BPIFB2: variants seen among roughly 807,000 people sequenced by gnomAD.
BPIFB2 encodes the protein BPI fold-containing family B member 2.
In BPIFB2, 39 loss-of-function variants were observed where a neutral mutation model predicts 50.1. That is an observed-to-expected ratio of 0.78 (90% CI 0.60 to 1.02). The LOEUF (loss-of-function observed/expected upper bound fraction) is 1.02, where lower values mean the gene tolerates loss of function less well. Ranked by LOEUF, BPIFB2 falls within the 50% of genes least tolerant of loss-of-function variation. The pLI is 0.00. For missense variants in BPIFB2, 574 were observed against 585.8 expected (o/e 0.98, Z 0.21); for synonymous variants, 280 against 256.3 (o/e 1.09, Z -0.88).
intron 3 of BPIFB2, 72 bp from the exon 4 acceptor site, chr20:33,012,731 A>T: frequency 8.1e-7 from 1 of 1,231,052 alleles, no homozygotes; most frequent in South Asian, 1.2e-5. Flanking sequence ...GGTATGGCTC[A>T]GAGCACCCAC....
At position 33,015,109 on chromosome 20, in the gene BPIFB2, C is replaced by T. The variant is rs991808786; in HGVS notation, c.456-327C>T. Among the ~76,000 whole-genome samples, 4 of 152,208 alleles carry T rather than the reference C, an allele frequency of 2.6e-5. No individual in the cohort carries two copies. In the East Asian group the frequency reaches 7.7e-4, roughly 29 times the overall value. ...TCCCAGCTCTACCCCCTAACCCAAC[C>T]TTTACTGGGCTTAGAGTGGCCACGA... On this transcript the variant is annotated intron_variant, in intron 5 of 15. Transcript: ENST00000170150.
intron 10 of BPIFB2, 27 bp from the exon 11 acceptor site, chr20:33,019,553 G>C: frequency 6.4e-7 from 1 of 1,557,612 alleles, no homozygotes; most frequent in South Asian, 1.2e-5. Context: ...TGCCTCAGCA[G>C]GGCCTCCTCC....
chr20:33,015,571 T>A, intron 6 of BPIFB2, 75 bp downstream of exon 6: 1 of 1,325,566 alleles, frequency 7.5e-7, no homozygotes, highest in Non-Finnish European at 1.0e-6. Context: ...AGAGTGGGAT[T>A]TCAGGCAGGG....
intron 6 of BPIFB2, 26 bp from the exon 7 acceptor site, chr20:33,017,016 G>A (rs1195158662): frequency 2.5e-6 from 4 of 1,612,428 alleles, no homozygotes; most frequent in Non-Finnish European, 3.4e-6. Flanking sequence ...CCTAACCCCA[G>A]CCTCCTTCTC....
At chr20:33,020,967 G>A (rs1244068147) in intron 13 of BPIFB2, among the ~76,000 whole-genome samples, 2 of 152,170 alleles carry the variant, frequency 1.3e-5, no homozygotes, top group African/African-American at 4.8e-5. Flanking sequence ...TCTGCGTCAG[G>A]CAGTCTGCTG....
rs1990262795 is a variant in BPIFB2 at position 33,009,879 on chromosome 20, C to T, written c.110-1145C>T. Among the ~76,000 whole-genome samples, 2 of 152,228 alleles carry T rather than the reference C, an allele frequency of 1.3e-5. No homozygotes were observed. Among genetic ancestry groups the T allele is most frequent in the African/African-American group, 4.8e-5 (2 of 41,452 alleles). ...TGAGTGGCTACTTCCAGTGTCCTCC[C>T]CACCCCATCCTGCAAGCCCCAGAGT... is the stretch of plus-strand genomic sequence containing the variant. On this transcript the variant is annotated intron_variant, in intron 2 of 15. Transcript: ENST00000170150. The surrounding 1 kb of genome is among the most constrained non-coding windows in gnomAD (Gnocchi z 4.2).
intron 10 of BPIFB2, among the ~76,000 whole-genome samples, 163 bp downstream of exon 10, chr20:33,019,278 A>T (rs113125425): frequency 5.3e-5 from 8 of 152,130 alleles, no homozygotes; most frequent in African/African-American, 1.9e-4. Flanking sequence ...TTCTGCCCAG[A>T]CATCACACTC....
intron 13 of BPIFB2, among the ~76,000 whole-genome samples, chr20:33,021,005 C>T (rs1007478093): frequency 6.6e-6 from 1 of 152,210 alleles, no homozygotes; most frequent in African/African-American, 2.4e-5. Context: ...TCACACAGTG[C>T]GTGAGTGTCC....
chr20:33,021,714 C>T lies in BPIFB2; in HGVS notation c.1259-9C>T, dbSNP rs780035167. ...CAGGGGACGATCCTTTCTTCTTTCT[C>T]GCCTGCAGCTCTCTTGGCCATGGGA... On this transcript the variant is annotated splice_polypyrimidine_tract_variant and intron_variant, in intron 14 of 15. Transcript: ENST00000170150. The T allele has an allele frequency of 1.1e-5, 17 of 1,613,646 alleles. No individual in the cohort carries two copies. The highest frequency in any genetic ancestry group is 4.0e-5 in the African/African-American group (3 of 74,912).
intron 7 of BPIFB2, among the ~76,000 whole-genome samples, chr20:33,017,709 T>C (rs1978487720): frequency 2.0e-5 from 3 of 152,190 alleles, no homozygotes; most frequent in Admixed American, 2.0e-4. Flanking sequence ...GAGCATAGCT[T>C]TGGGGTCAGA....
At chr20:33,022,360 G>T (rs192288993) in intron 15 of BPIFB2, among the ~76,000 whole-genome samples, 5 of 152,298 alleles carry the variant, frequency 3.3e-5, no homozygotes, top group Admixed American at 3.3e-4. Context: ...GTTCATACCC[G>T]ATGAGTGTGA....
chr20:33,021,857 G>T, intron 15 of BPIFB2, 58 bp downstream of exon 15: 1 of 1,536,270 alleles, frequency 6.5e-7, no homozygotes, highest in African/African-American at 1.4e-5. Context: ...ACTGATTGAG[G>T]TGGGGGTCAC....
chr20:33,017,488 A>G (rs1451011893), intron 7 of BPIFB2, among the ~76,000 whole-genome samples: 1 of 152,214 alleles, frequency 6.6e-6, no homozygotes, highest in East Asian at 1.9e-4. Context: ...TGCTGGGATC[A>G]CAGGCATGAG....
At position 33,015,108 on chromosome 20, in the gene BPIFB2, C is replaced by A. The variant is rs189443903; in HGVS notation, c.456-328C>A. Among the ~76,000 whole-genome samples the A allele has an allele frequency of 3.3e-4, 51 of 152,340 alleles. 1 individual carries two copies. Among genetic ancestry groups the A allele is most frequent in the African/African-American group, 1.1e-3 (46 of 41,578 alleles). Reference sequence around the variant, plus strand: ...ATCCCAGCTCTACCCCCTAACCCAACCTTTACTGGGCTTAGAGTGGCCACG... The same window carrying A: ...ATCCCAGCTCTACCCCCTAACCCAAACTTTACTGGGCTTAGAGTGGCCACG... On this transcript the variant is annotated intron_variant, in intron 5 of 15. Transcript: ENST00000170150.
chr20:33,019,455 G>C, intron 10 of BPIFB2, 125 bp from the exon 11 acceptor site: 1 of 1,143,472 alleles, frequency 8.7e-7, no homozygotes, highest in African/African-American at 1.6e-5. Context: ...CACAGAGGGG[G>C]GACCCACCTC....
intron 4 of BPIFB2, 22 bp from the exon 5 acceptor site, chr20:33,013,788 C>T (rs369971721): frequency 1.9e-6 from 3 of 1,608,472 alleles, no homozygotes; most frequent in Non-Finnish European, 2.5e-6. Context: ...GCTGCTCGGG[C>T]TCAGGACTGG....
At position 33,021,306 on chromosome 20, in the gene BPIFB2, G is replaced by T. The variant is rs1291744285; in HGVS notation, c.1220G>T (p.Gly407Val). ...ACAGATCAGGTGCGCACACTGATGG[G>T]CACCGTTTTTGAGAAGCCCCTGCTG... ...IDTDQVRTLM[G>V]TVFEKPLLDH... The change falls in exon 14 of 16, where the codon GGC (glycine) becomes GTC (valine). Residue 407 changes from glycine to valine, a missense_variant. By Grantham distance (109) the Gly-to-Val change is moderately radical. Coordinates refer to ENST00000170150, the MANE Select transcript of BPIFB2 (RefSeq NM_025227.3). The T allele has an allele frequency of 6.2e-7, 1 of 1,613,820 alleles. No individual in the cohort carries two copies. The highest frequency in any genetic ancestry group is 1.3e-5 in the African/African-American group (1 of 74,920).
Position 33,012,807 on chromosome 20 carries a change from C to T in BPIFB2, c.208C>T (p.Arg70Trp), listed in dbSNP as rs770078142. ...ACCTTGATTACTACCCTGCAGGATCCGGATTCTGAATGTCCATGTGCCCCG... is the reference window on the plus strand; with the variant it reads ...ACCTTGATTACTACCCTGCAGGATCTGGATTCTGAATGTCCATGTGCCCCG... ...SGEALQPTRIRILNVHVPRLH... is the reference protein window; with the variant it reads ...SGEALQPTRIWILNVHVPRLH... Residue 70 changes from arginine to tryptophan, a missense_variant, in exon 4 of 16, where the codon CGG (arginine) becomes TGG (tryptophan). Physicochemically the swap from Arg to Trp is moderately radical, Grantham distance 101 (BLOSUM62 -3). Transcript: ENST00000170150. The T allele has an allele frequency of 2.3e-5, 37 of 1,612,788 alleles. No homozygotes were observed. Among genetic ancestry groups the T allele is most frequent in the Admixed American group, 5.0e-5 (3 of 59,992 alleles).
At position 33,023,484 on chromosome 20, in the gene BPIFB2, A is replaced by G. The variant is rs1473292767; in HGVS notation, c.*101A>G. The G allele has an allele frequency of 1.4e-6, 2 of 1,385,906 alleles. No homozygotes were observed. The highest frequency in any genetic ancestry group is 1.4e-5 in the African/African-American group (1 of 70,268). 85.9% of individuals were successfully genotyped at this position (1,385,906 alleles called of 1,614,324 possible). On this transcript the variant is annotated 3_prime_UTR_variant, in exon 16 of 16. Coordinates refer to ENST00000170150, the MANE Select transcript of BPIFB2 (RefSeq NM_025227.3). ...AACTGAGGCAAAACCATACTTAGTC[A>G]TCACCAACAAGCTGGACTGCTTAGC...
Sources: allele counts gnomAD v4.1 joint callset (sites outside exome capture counted in the v4.1 genomes callset), GRCh38; gene constraint gnomAD v4.1.1; non-coding constraint Gnocchi (gnomAD v3.1); transcripts MANE v1.5; gene names NCBI Gene and HGNC (gene_info 2026-07-23, HGNC 2026-07-21).